The following CBLB variants were observed in gnomAD, a reference collection of about 807,000 sequenced individuals.
The protein encoded by CBLB is Cbl proto-oncogene B.
CBLB carries 31 observed loss-of-function variants against 104.9 expected under a neutral mutation model. The ratio of observed to expected loss-of-function variants is 0.30; its 90% confidence interval spans 0.22 to 0.40. The LOEUF is 0.40. Ranked by LOEUF, CBLB falls within the 10% of genes least tolerant of loss-of-function variation. The probability of loss-of-function intolerance (pLI) is 1.00; values close to 1 mark genes in which losing one functional copy is unlikely to be tolerated. For synonymous variants in CBLB, 440 were observed against 422.6 expected (o/e 1.04, Z -0.51); for missense variants, 1,062 against 1,214.6 (o/e 0.87, Z 1.87).
At chr3:105,798,481 G>A (rs548141914) in intron 3 of CBLB, among the ~76,000 whole-genome samples, 38 of 152,152 alleles carry the variant, frequency 2.5e-4, no homozygotes, top group Admixed American at 2.0e-3. Flanking sequence ...ATGTTGGCAC[G>A]TTACATTATA....
At chr3:105,711,080 T>C (rs1041628005) in intron 10 of CBLB, among the ~76,000 whole-genome samples, 2 of 151,924 alleles carry the variant, frequency 1.3e-5, no homozygotes, top group Non-Finnish European at 2.9e-5. Flanking sequence ...TGGCAAAACA[T>C]TTGGTAAGAA....
chr3:105,719,771 T>C (rs541604462), intron 10 of CBLB, among the ~76,000 whole-genome samples: 1 of 152,326 alleles, frequency 6.6e-6, no homozygotes, highest in East Asian at 1.9e-4. Context: ...TAGTCTCAGA[T>C]AGGTTCTTCA....
intron 6 of CBLB, among the ~76,000 whole-genome samples, chr3:105,741,453 T>C (rs1560041904): frequency 6.6e-6 from 1 of 152,148 alleles, no homozygotes. Context: ...TGGAGTGCAG[T>C]GGCGCAATCA....
chr3:105,756,769 G>C (rs1393393027), intron 4 of CBLB, among the ~76,000 whole-genome samples: 1 of 152,092 alleles, frequency 6.6e-6, no homozygotes, highest in African/African-American at 2.4e-5. Context: ...AGAAACTTAT[G>C]TACCCATATA....
intron 1 of CBLB, chr3:105,868,090 C>G (rs1376813342): frequency 1.9e-6 from 1 of 529,750 alleles, no homozygotes; most frequent in Non-Finnish European, 3.0e-6. Flanking sequence ...CCTACACAAA[C>G]GTAAGGGACA....
At chr3:105,749,042 G>T (rs144216509) in intron 5 of CBLB, among the ~76,000 whole-genome samples, 3 of 152,196 alleles carry the variant, frequency 2.0e-5, no homozygotes, top group African/African-American at 7.2e-5. Context: ...ATATATAAAT[G>T]TAAGGATTTA....
intron 3 of CBLB, among the ~76,000 whole-genome samples, chr3:105,834,802 A>C (rs1257154433): frequency 1.3e-5 from 2 of 152,172 alleles, no homozygotes; most frequent in Non-Finnish European, 2.9e-5. Flanking sequence ...AAGAGCACAG[A>C]TTTATCATAG....
chr3:105,719,642 T>C (rs1303555779), intron 10 of CBLB, among the ~76,000 whole-genome samples: 2 of 152,238 alleles, frequency 1.3e-5, no homozygotes, highest in East Asian at 1.9e-4. Context: ...TTGTGTACAG[T>C]ACATAATATG....
intron 3 of CBLB, among the ~76,000 whole-genome samples, chr3:105,817,683 T>C (rs1410422397): frequency 6.6e-6 from 1 of 152,108 alleles, no homozygotes; most frequent in East Asian, 1.9e-4. Context: ...AAAGCTCATA[T>C]CTAAGAAATA....
Position 105,853,537 on chromosome 3 carries a change from G to A in CBLB, c.296C>T (p.Ala99Val). The change falls in exon 3 of 19, where the codon GCC becomes GTC. Residue 99 changes from alanine to valine, a missense_variant. This residue lies in a region of CBLB where 457 missense variants were observed against 632.0 expected (regional missense o/e 0.72). Transcript: ENST00000394030. Reference protein sequence around the residue: ...LSKYDDNQKLAQLSENEYFKI... With the variant: ...LSKYDDNQKLVQLSENEYFKI... Reference sequence around the variant, plus strand: ...AAAGTACTCATTCTCACTGAGTTGGGCAAGTTTCTGGTTGTCATCATATTT... The same window carrying A: ...AAAGTACTCATTCTCACTGAGTTGGACAAGTTTCTGGTTGTCATCATATTT... The A allele has an allele frequency of 6.2e-7, 1 of 1,613,492 alleles. No individual in the cohort carries two copies. Among genetic ancestry groups the A allele is most frequent in the African/African-American group, 1.3e-5 (1 of 74,978 alleles).
chr3:105,773,439 A>G (rs973674263), intron 4 of CBLB, among the ~76,000 whole-genome samples: 2 of 152,186 alleles, frequency 1.3e-5, no homozygotes, highest in South Asian at 4.1e-4. Context: ...TATTAGGTAC[A>G]GTGTGCACTG....
chr3:105,740,456 G>C (rs763396195), intron 7 of CBLB, 38 bp downstream of exon 7: 1 of 1,610,310 alleles, frequency 6.2e-7, no homozygotes, highest in Admixed American at 1.7e-5. Context: ...TCAAATTCAT[G>C]AATCATAAGC....
intron 3 of CBLB, among the ~76,000 whole-genome samples, chr3:105,839,660 C>T (rs972299163): frequency 2.0e-5 from 3 of 152,208 alleles, no homozygotes; most frequent in Non-Finnish European, 2.9e-5. Flanking sequence ...AACTACTTAC[C>T]TCTGCCATTG....
rs3215309 is a variant in CBLB, at chr3:105,656,285, TAAA to T, written c.*2682_*2684del. ...TTATGTATTATATGAAATGCTGACTTAAAAAAAAATTGTTACCAAATCTTGAGA... is the reference window on the plus strand; with the variant it reads ...TTATGTATTATATGAAATGCTGACTTAAAAAATTGTTACCAAATCTTGAGA... On this transcript the variant is annotated 3_prime_UTR_variant, in exon 19 of 19. Coordinates refer to ENST00000394030, the MANE Select transcript of CBLB (RefSeq NM_170662.5). 4.8e-6 allele frequency: 1 copy of T among 208,452 alleles called. No homozygotes were observed. 12.9% of individuals were successfully genotyped at this position (208,452 alleles called of 1,614,324 possible). A position where few individuals can be genotyped will look rare whatever the true frequency, so the allele number is the denominator to read the frequency against.
intron 14 of CBLB, among the ~76,000 whole-genome samples, chr3:105,682,505 T>C (rs1169936309): frequency 6.6e-6 from 1 of 152,082 alleles, no homozygotes; most frequent in Non-Finnish European, 1.5e-5. Flanking sequence ...GCTTGAGTTG[T>C]TGGGGCTTTT....
chr3:105,695,719 T>C (rs1035658344), intron 12 of CBLB, among the ~76,000 whole-genome samples: 4 of 151,844 alleles, frequency 2.6e-5, no homozygotes, highest in Non-Finnish European at 5.9e-5. Context: ...TGCTGTAGTG[T>C]CTTTTCTGAA....
chr3:105,855,254 G>C (rs1030154575), intron 2 of CBLB, among the ~76,000 whole-genome samples: 1 of 152,200 alleles, frequency 6.6e-6, no homozygotes, highest in East Asian at 1.9e-4. Context: ...GGGCCCCAGG[G>C]ATGGGGAGGG....
chr3:105,709,626 G>T (rs1179802087), intron 10 of CBLB, among the ~76,000 whole-genome samples: 2 of 151,710 alleles, frequency 1.3e-5, no homozygotes, highest in Non-Finnish European at 3.0e-5. Context: ...TGCATATATG[G>T]ATTTACAAAA....
chr3:105,681,630 C>T lies in CBLB; in HGVS notation c.2297-20G>A, dbSNP rs1410533214. ...CATCTCCTAGAGGATAACACAAAAC[C>T]TTAATGTATTTTCAGTACAATGGCA... On this transcript the variant is annotated intron_variant, in intron 15 of 18. Coordinates refer to ENST00000394030, the MANE Select transcript of CBLB (RefSeq NM_170662.5). 2.5e-6 allele frequency: 4 copies of T among 1,613,876 alleles called. No individual in the cohort carries two copies. The highest frequency in any genetic ancestry group is 3.4e-6 in the Non-Finnish European group (4 of 1,179,952).
Sources: gnomAD v4.1 joint callset for allele counts (sites outside exome capture counted in the v4.1 genomes callset) on GRCh38, gnomAD v4.1.1 for gene constraint, gnomAD v4.1.1 regional missense constraint, MANE v1.5 for transcripts, NCBI Gene and HGNC (gene_info 2026-07-23, HGNC 2026-07-21) for gene names.